Variants in CHSY3 observed in about 807,000 individuals in gnomAD.
CHSY3 encodes chondroitin sulfate synthase 3.
A neutral mutation model predicts 67.2 loss-of-function variants in CHSY3; 35 were observed. The ratio of observed to expected loss-of-function variants is 0.52; its 90% CI spans 0.40 to 0.69. The LOEUF (loss-of-function observed/expected upper bound fraction) is 0.69. CHSY3 is among the 30% of genes least tolerant of loss of function. The pLI is 0.00. For missense variants in CHSY3, 1,069 were observed against 1,138.5 expected (o/e 0.94, Z 0.88); for synonymous variants, 474 against 434.7 (o/e 1.09, Z -1.12).
chr5:130,088,023 T>A (rs1766717839), intron 2 of CHSY3, among the ~76,000 whole-genome samples: 1 of 152,136 alleles, frequency 6.6e-6, no homozygotes, highest in East Asian at 1.9e-4. Flanking sequence ...AACAGAGATA[T>A]AGATCAATGG....
chr5:130,138,031 C>G (rs1768722350), intron 2 of CHSY3, among the ~76,000 whole-genome samples: 1 of 151,910 alleles, frequency 6.6e-6, no homozygotes, highest in Non-Finnish European at 1.5e-5. Flanking sequence ...GAGAGAGAAA[C>G]TCTGTGTGTT....
chr5:130,061,450 T>A (rs567010451), intron 2 of CHSY3, among the ~76,000 whole-genome samples: 1 of 152,170 alleles, frequency 6.6e-6, no homozygotes, highest in South Asian at 2.1e-4. Flanking sequence ...ACTATAAAAG[T>A]CACAGAAGAA....
chr5:130,025,227 T>C (rs557196895), intron 2 of CHSY3, among the ~76,000 whole-genome samples: 3 of 152,274 alleles, frequency 2.0e-5, no homozygotes, highest in Admixed American at 2.0e-4. Context: ...GGATTTGGTA[T>C]AGGGATCAGT....
At chr5:130,145,389 C>T (rs192659875) in intron 2 of CHSY3, among the ~76,000 whole-genome samples, 1 of 152,240 alleles carries the variant, frequency 6.6e-6, no homozygotes, top group East Asian at 1.9e-4. Context: ...AATTTGATAT[C>T]CACATGCAGA....
At chr5:130,005,557 G>C (rs1218721154) in intron 2 of CHSY3, among the ~76,000 whole-genome samples, 4 of 152,072 alleles carry the variant, frequency 2.6e-5, no homozygotes, top group Non-Finnish European at 1.5e-5. Context: ...TATTTTAATA[G>C]TCTGAAGATA....
chr5:130,027,831 A>G (rs1580663865), intron 2 of CHSY3, among the ~76,000 whole-genome samples: 1 of 152,270 alleles, frequency 6.6e-6, no homozygotes, highest in Admixed American at 6.5e-5. Flanking sequence ...ATAGTATTCC[A>G]TGGTGTATAT....
chr5:129,993,565 A>G (rs1013295347), intron 2 of CHSY3, among the ~76,000 whole-genome samples: 1 of 152,034 alleles, frequency 6.6e-6, no homozygotes, highest in Non-Finnish European at 1.5e-5. Flanking sequence ...TTTGCTTGAT[A>G]GATCTTCCCC....
chr5:130,102,235 G>T (rs772122907), intron 2 of CHSY3, among the ~76,000 whole-genome samples: 33 of 152,060 alleles, frequency 2.2e-4, no homozygotes, highest in Non-Finnish European at 4.4e-4. Context: ...TAGCTACTAA[G>T]TTCCAATAAT....
intron 2 of CHSY3, among the ~76,000 whole-genome samples, chr5:130,073,275 G>A (rs1283286395): frequency 6.6e-6 from 1 of 150,822 alleles, no homozygotes; most frequent in African/African-American, 2.5e-5. Flanking sequence ...ACACATTTTT[G>A]TTCAATTAAA....
Position 130,159,741 on chromosome 5 carries a change from T to C in CHSY3, c.1087-24488T>C, listed in dbSNP as rs553419470. On this transcript the variant is annotated intron_variant, in intron 2 of 2. Transcript: ENST00000305031. Reference sequence around the variant, plus strand: ...TCTTAGATACACATGACTAGAGGTATGATTGGTGAGATTAGGATATTGGTA... The same window carrying C: ...TCTTAGATACACATGACTAGAGGTACGATTGGTGAGATTAGGATATTGGTA... Among the ~76,000 whole-genome samples the C allele has an allele frequency of 2.6e-5, 4 of 152,282 alleles. No homozygotes were observed. In the East Asian group the frequency reaches 7.7e-4, roughly 29 times the overall value.
At chr5:129,910,808 C>A (rs528923305) in intron 2 of CHSY3, among the ~76,000 whole-genome samples, 96 of 151,946 alleles carry the variant, frequency 6.3e-4, no homozygotes, top group Non-Finnish European at 1.0e-3. Flanking sequence ...TTGGTCTATT[C>A]TACTCCAGGT....
At chr5:130,023,837 CAGAT>C (rs2149655447) in intron 2 of CHSY3, among the ~76,000 whole-genome samples, 1 of 151,800 alleles carries the variant, frequency 6.6e-6, no homozygotes, top group East Asian at 1.9e-4. Flanking sequence ...GGTTTAGCCT[CAGAT>C]AGGAGGAAAT....
At chr5:130,077,567 A>G (rs1276158454) in intron 2 of CHSY3, among the ~76,000 whole-genome samples, 1 of 152,148 alleles carries the variant, frequency 6.6e-6, no homozygotes, top group Non-Finnish European at 1.5e-5. Flanking sequence ...CAGTACATTT[A>G]TTTCAGCAAG....
chr5:129,993,563 A>G (rs1763433496), intron 2 of CHSY3, among the ~76,000 whole-genome samples: 2 of 151,704 alleles, frequency 1.3e-5, no homozygotes, highest in South Asian at 4.1e-4. Context: ...CATTTGCTTG[A>G]TAGATCTTCC....
intron 2 of CHSY3, among the ~76,000 whole-genome samples, chr5:130,124,039 C>CAAAAAAAAAAA (rs11297427): frequency 1.4e-4 from 8 of 58,234 alleles, no homozygotes; most frequent in African/African-American, 2.9e-4. Context: ...GACTCCATCT[C>CAAAAAAAAAAA]AAAAAAAAAA....
chr5:130,113,152 CAAAT>C (rs1399594515), intron 2 of CHSY3, among the ~76,000 whole-genome samples: 4 of 151,870 alleles, frequency 2.6e-5, no homozygotes, highest in African/African-American at 7.3e-5. Flanking sequence ...GTATCTGAGA[CAAAT>C]AATTTCTGGA....
chr5:130,184,264 T>C lies in CHSY3; in HGVS notation c.1122T>C (p.Asn374=), dbSNP rs1212411005. 6.3e-7 allele frequency: 1 copy of C among 1,592,704 alleles called. No individual in the cohort carries two copies. Residue 374 remains asparagine, a synonymous_variant, in exon 3 of 3, where the codon AAT becomes AAC. Coordinates refer to ENST00000305031, the MANE Select transcript of CHSY3 (RefSeq NM_175856.5). The stretch of plus-strand genomic sequence containing the variant: ...TGTTCCATGAAAATTATGAACACAA[T>C]CGGAAGGGTTACATCCAAGACCTTC... The part of the protein sequence containing the change: ...QQLFHENYEH[N]RKGYIQDLHN...
At chr5:130,082,265 T>C (rs1223520005) in intron 2 of CHSY3, among the ~76,000 whole-genome samples, 4 of 117,168 alleles carry the variant, frequency 3.4e-5, no homozygotes, top group Admixed American at 9.6e-5. Context: ...TTTTTACTTA[T>C]ATAAAACAAG....
chr5:130,041,319 T>G (rs1336674290), intron 2 of CHSY3, among the ~76,000 whole-genome samples: 1 of 152,130 alleles, frequency 6.6e-6, no homozygotes, highest in Non-Finnish European at 1.5e-5. Flanking sequence ...CACATTCTCC[T>G]GCAATGGTTT....
Sources: allele counts gnomAD v4.1 joint callset (sites outside exome capture counted in the v4.1 genomes callset), GRCh38; gene constraint gnomAD v4.1.1; transcripts MANE v1.5; gene names NCBI Gene and HGNC (gene_info 2026-07-23, HGNC 2026-07-21).